MGAT4C: variants seen among roughly 807,000 people sequenced by gnomAD.
MGAT4C encodes MGAT4 family member C, also known as alpha-1,3-mannosyl-glycoprotein 4-beta-N-acetylglucosaminyltransferase C.
Under a neutral mutation model 40.1 loss-of-function variants are expected in MGAT4C, and 19 were observed. The ratio of observed to expected loss-of-function variants is 0.47; its 90% CI spans 0.33 to 0.70. The LOEUF is 0.70. MGAT4C is among the 30% of genes least tolerant of loss of function. MGAT4C has a pLI of 0.02. For missense variants in MGAT4C, 491 were observed against 563.2 expected, an observed-to-expected ratio of 0.87 and a Z score of 1.30; for synonymous variants, 181 against 187.1, an observed-to-expected ratio of 0.97 and a Z score of 0.27.
At chr12:86,170,161 G>A (rs1236982409) in intron 1 of MGAT4C, among the ~76,000 whole-genome samples, 1 of 152,180 alleles carries the variant, frequency 6.6e-6, no homozygotes, top group Non-Finnish European at 1.5e-5. Context: ...TATATGAACA[G>A]AGTTTTTGAA....
intron 3 of MGAT4C, among the ~76,000 whole-genome samples, chr12:86,424,881 C>T (rs373276713): frequency 7.9e-5 from 12 of 152,092 alleles, no homozygotes; most frequent in East Asian, 1.9e-4. Context: ...CTCAGCCTCC[C>T]GAGTAGCTGG....
intron 2 of MGAT4C, among the ~76,000 whole-genome samples, chr12:86,653,800 GA>G (rs1963766519): frequency 6.6e-6 from 1 of 151,728 alleles, no homozygotes; most frequent in Non-Finnish European, 1.5e-5. Flanking sequence ...TTTGGAAGAA[GA>G]AATATATTTT....
chr12:86,604,050 A>G (rs1961953043), intron 2 of MGAT4C, among the ~76,000 whole-genome samples: 1 of 151,890 alleles, frequency 6.6e-6, no homozygotes, highest in African/African-American at 2.4e-5. Context: ...AAGCTGAGGG[A>G]AAGAAGAGTT....
intron 2 of MGAT4C, among the ~76,000 whole-genome samples, chr12:86,591,043 T>C (rs2136448337): frequency 6.6e-6 from 1 of 152,168 alleles, no homozygotes; most frequent in South Asian, 2.1e-4. Context: ...GTCAGCTGTT[T>C]TATTAGTAGC....
chr12:86,076,308 A>G (rs1869694804), intron 1 of MGAT4C, among the ~76,000 whole-genome samples: 1 of 152,156 alleles, frequency 6.6e-6, no homozygotes, highest in Non-Finnish European at 1.5e-5. Context: ...TATTGTTCCT[A>G]TTGCAATCAG....
At chr12:86,012,184 C>A (rs182008556) in intron 2 of MGAT4C, among the ~76,000 whole-genome samples, 1 of 152,108 alleles carries the variant, frequency 6.6e-6, no homozygotes, top group Non-Finnish European at 1.5e-5. Context: ...TGCTTGCTAA[C>A]GGCATATCCC....
rs1023250251 is a variant in MGAT4C, at chr12:86,477,320, C to A, written c.-228-42055G>T. 4.6e-5 allele frequency among the ~76,000 whole-genome samples: 7 copies of A among 151,526 alleles called. No homozygotes were observed. The South Asian group carries it at 1.0e-3, about 23-fold the overall frequency. ...GATAATTAAAGCACAAATAGAAAAC[C>A]AAATACCACATATTCTCACTTATAA... On this transcript the variant is annotated intron_variant, in intron 2 of 7. Coordinates refer to the MGAT4C transcript ENST00000548651.
chr12:86,782,940 G>A (rs538660005), intron 1 of MGAT4C, among the ~76,000 whole-genome samples: 46 of 152,264 alleles, frequency 3.0e-4, no homozygotes, highest in African/African-American at 1.0e-3. Context: ...ATCCAAACCG[G>A]TCTGTAGTAT....
At chr12:86,337,862 A>C (rs1954822932) in intron 3 of MGAT4C, among the ~76,000 whole-genome samples, 1 of 152,192 alleles carries the variant, frequency 6.6e-6, no homozygotes, top group Admixed American at 6.6e-5. Context: ...ATGATGAACT[A>C]TGTTGTAGAA....
chr12:86,830,784 A>T (rs951707744), intron 1 of MGAT4C, among the ~76,000 whole-genome samples: 1 of 151,336 alleles, frequency 6.6e-6, no homozygotes, highest in Admixed American at 6.6e-5. Context: ...GGATATCTAC[A>T]CCTCAGGCCT....
At chr12:86,594,070 C>T (rs895160434) in intron 2 of MGAT4C, among the ~76,000 whole-genome samples, 15 of 152,278 alleles carry the variant, frequency 9.9e-5, no homozygotes, top group African/African-American at 3.4e-4. Flanking sequence ...CAGTATACTC[C>T]GCAGTACTGT....
chr12:86,375,926 T>C (rs1955814224), intron 3 of MGAT4C, among the ~76,000 whole-genome samples: 1 of 152,180 alleles, frequency 6.6e-6, no homozygotes, highest in South Asian at 2.1e-4. Context: ...TATAGATTAA[T>C]GGAAAATATG....
chr12:86,008,581 T>G (rs1204902085), intron 2 of MGAT4C, among the ~76,000 whole-genome samples: 1 of 152,068 alleles, frequency 6.6e-6, no homozygotes, highest in East Asian at 1.9e-4. Flanking sequence ...ACTTCAACAT[T>G]TTGTTGCTGT....
chr12:86,460,623 G>A (rs1957583415), intron 2 of MGAT4C, among the ~76,000 whole-genome samples: 1 of 152,010 alleles, frequency 6.6e-6, no homozygotes, highest in Non-Finnish European at 1.5e-5. Flanking sequence ...CTGTATGCAT[G>A]TGTGTGTCTT....
At chr12:86,413,712 A>G (rs1354377803) in intron 3 of MGAT4C, among the ~76,000 whole-genome samples, 1 of 152,202 alleles carries the variant, frequency 6.6e-6, no homozygotes, top group Non-Finnish European at 1.5e-5. Context: ...GTAGTGTTAC[A>G]CTAGGGGGTC....
chr12:86,595,853 A>T (rs1259475180), intron 2 of MGAT4C, among the ~76,000 whole-genome samples: 1 of 152,204 alleles, frequency 6.6e-6, no homozygotes, highest in Non-Finnish European at 1.5e-5. Context: ...TAGTCACCAC[A>T]AAGTTATAAA....
At chr12:86,162,025 G>GGAATA (rs1182940076) in intron 1 of MGAT4C, among the ~76,000 whole-genome samples, 8 of 152,032 alleles carry the variant, frequency 5.3e-5, no homozygotes, top group Admixed American at 3.3e-4. Flanking sequence ...CAGAGTAAAG[G>GGAATA]GAATACTTAC....
chr12:86,600,292 A>G (rs899808439), intron 2 of MGAT4C, among the ~76,000 whole-genome samples: 13 of 152,172 alleles, frequency 8.5e-5, no homozygotes, highest in African/African-American at 2.9e-4. Flanking sequence ...ATGAAATAAG[A>G]AAGAAAGGCC....
chr12:86,464,046 T>G (rs1453877206), intron 2 of MGAT4C, among the ~76,000 whole-genome samples: 4 of 152,204 alleles, frequency 2.6e-5, no homozygotes, highest in Non-Finnish European at 5.9e-5. Flanking sequence ...TAGCCAGCTT[T>G]CTTTCTGAGT....
Sources: allele counts gnomAD v4.1 joint callset (sites outside exome capture counted in the v4.1 genomes callset), GRCh38; gene constraint gnomAD v4.1.1; transcripts MANE v1.5; gene names NCBI Gene and HGNC (gene_info 2026-07-23, HGNC 2026-07-21).